The following LRTM1 variants were observed in gnomAD, a reference collection of about 807,000 sequenced individuals.
LRTM1 encodes leucine rich repeat transmembrane protein 1, also known as leucine-rich repeat and transmembrane domain-containing protein 1.
In LRTM1, 38 loss-of-function variants were observed where a neutral mutation model predicts 32.4. The ratio of observed to expected loss-of-function variants is 1.17; its 90% CI spans 0.91 to 1.54. The LOEUF is 1.54. Ranked by LOEUF, LRTM1 falls within the 40% of genes most tolerant of loss-of-function variation. The pLI, the probability that LRTM1 is intolerant of heterozygous loss-of-function variation, is 0.00. For missense variants in LRTM1, 466 were observed against 415.4 expected (o/e 1.12, Z -1.06); for synonymous variants, 186 against 169.9 (o/e 1.09, Z -0.74).
chr3:54,948,097 C>T (rs1305296207), intron 1 of LRTM1, among the ~76,000 whole-genome samples: 1 of 152,206 alleles, frequency 6.6e-6, no homozygotes, highest in Non-Finnish European at 1.5e-5. Flanking sequence ...TATCACCCAT[C>T]AAGTGCTCTC....
chr3:54,922,623 G>A (rs1002017328), intron 2 of LRTM1, among the ~76,000 whole-genome samples: 12 of 152,118 alleles, frequency 7.9e-5, no homozygotes, highest in Admixed American at 3.9e-4. Flanking sequence ...CCTCATTCCC[G>A]CTGAGAACCG....
intron 2 of LRTM1, 115 bp from the exon 3 acceptor site, chr3:54,919,007 TA>T: frequency 1.6e-6 from 1 of 641,106 alleles, no homozygotes; most frequent in Non-Finnish European, 2.3e-6. Flanking sequence ...TTTTTTTTTT[TA>T]AATCCTGGAG....
intron 2 of LRTM1, among the ~76,000 whole-genome samples, chr3:54,921,666 GC>G (rs1700854846): frequency 6.6e-6 from 1 of 151,980 alleles, no homozygotes; most frequent in African/African-American, 2.4e-5. Flanking sequence ...CGTGTAATCC[GC>G]CATGCATTTT....
chr3:54,960,868 T>A (rs2107045952), intron 1 of LRTM1, among the ~76,000 whole-genome samples: 1 of 152,346 alleles, frequency 6.6e-6, no homozygotes. Context: ...AAATTGTTAT[T>A]CATGTGGTAA....
intron 1 of LRTM1, among the ~76,000 whole-genome samples, chr3:54,944,122 C>T (rs1701548621): frequency 6.6e-6 from 1 of 152,062 alleles, no homozygotes; most frequent in Non-Finnish European, 1.5e-5. Flanking sequence ...TTTCCATATC[C>T]TTTGGTAGGA....
intron 1 of LRTM1, among the ~76,000 whole-genome samples, chr3:54,948,276 G>C (rs1701666962): frequency 6.6e-6 from 1 of 152,192 alleles, no homozygotes; most frequent in African/African-American, 2.4e-5. Flanking sequence ...CCTCTTGAGA[G>C]CCCATCCAGA....
At chr3:54,945,649 C>T (rs1047036705) in intron 1 of LRTM1, among the ~76,000 whole-genome samples, 1 of 152,194 alleles carries the variant, frequency 6.6e-6, no homozygotes, top group Non-Finnish European at 1.5e-5. Context: ...GAATCTCAAG[C>T]TTATCCAGTG....
chr3:54,935,791 CTG>C (rs1456027574), intron 1 of LRTM1, among the ~76,000 whole-genome samples: 1 of 152,140 alleles, frequency 6.6e-6, no homozygotes, highest in Non-Finnish European at 1.5e-5. Flanking sequence ...AATAACAAGT[CTG>C]TGTTATGCTT....
chr3:54,930,235 C>T (rs1701150014), upstream of LRTM1, among the ~76,000 whole-genome samples: 1 of 152,186 alleles, frequency 6.6e-6, no homozygotes, highest in Non-Finnish European at 1.5e-5. Context: ...ACCACCCCAC[C>T]TGTCACCCAC....
chr3:54,941,487 C>G (rs1302940478), intron 1 of LRTM1, among the ~76,000 whole-genome samples: 3 of 152,146 alleles, frequency 2.0e-5, no homozygotes, highest in African/African-American at 7.2e-5. Flanking sequence ...CGTTTTCCCC[C>G]TCCATTCATT....
At chr3:54,955,280 C>G (rs1334776290) in intron 1 of LRTM1, among the ~76,000 whole-genome samples, 3 of 152,044 alleles carry the variant, frequency 2.0e-5, no homozygotes, top group African/African-American at 7.2e-5. Context: ...CAAAGGTTGT[C>G]TTATTATGCA....
At chr3:54,919,351 A>G (rs1291902189) in intron 2 of LRTM1, among the ~76,000 whole-genome samples, 1 of 152,240 alleles carries the variant, frequency 6.6e-6, no homozygotes, top group African/African-American at 2.4e-5. Flanking sequence ...TTATGTGTTT[A>G]TTACAAAGAT....
At chr3:54,947,999 G>T (rs1056289447) in intron 1 of LRTM1, among the ~76,000 whole-genome samples, 1 of 152,178 alleles carries the variant, frequency 6.6e-6, no homozygotes, top group African/African-American at 2.4e-5. Flanking sequence ...AACCACAGAT[G>T]GGGGAGATTC....
intron 1 of LRTM1, among the ~76,000 whole-genome samples, chr3:54,959,894 T>C (rs532938988): frequency 6.6e-6 from 1 of 152,284 alleles, no homozygotes; most frequent in African/African-American, 2.4e-5. Flanking sequence ...AGATGAAGTC[T>C]GGAAAAATGC....
At position 54,937,131 on chromosome 3, in the gene LRTM1, T is replaced by G. The variant is rs143376994; in HGVS notation, c.-221-11916A>C. Among the ~76,000 whole-genome samples the G allele has an allele frequency of 1.8e-3, 267 of 152,320 alleles. 1 individual carries two copies. Among genetic ancestry groups the G allele is most frequent in the African/African-American group, 6.1e-3 (254 of 41,572 alleles). ...TCCACTTCTGAAGGTGAAGACACCC[T>G]TACTTAAAAATAAGGTGTGCTCAAG... is the stretch of plus-strand genomic sequence containing the variant. On this transcript the variant is annotated intron_variant, in intron 1 of 2. Transcript: ENST00000493075.
intron 1 of LRTM1, among the ~76,000 whole-genome samples, chr3:54,949,942 C>G (rs372039416): frequency 1.3e-5 from 2 of 152,182 alleles, no homozygotes; most frequent in East Asian, 3.9e-4. Flanking sequence ...TAATGTTTCT[C>G]TAGCTATTAA....
chr3:54,928,073 A>C (rs115631296), upstream of LRTM1: 8,867 of 668,196 alleles, frequency 0.013, 84 homozygotes, highest in Middle Eastern at 0.02. Context: ...TGTTGCTTTC[A>C]AAAGACCATT....
rs747708567 is a variant in LRTM1 at position 54,925,007 on chromosome 3, T to G, written c.216A>C (p.Ser72=). ...AGTTTAAGGTCATGAGCCATGGCACTGACCTAAATGCAAAAGCAGGAAGAT... is the reference window on the plus strand; with the variant it reads ...AGTTTAAGGTCATGAGCCATGGCACGGACCTAAATGCAAAAGCAGGAAGAT... ...IHHLPAFAFR[S]VPWLMTLNLS... The change falls in exon 2 of 3, where the codon TCA becomes TCC. Residue 72 remains serine, a synonymous_variant. Coordinates refer to ENST00000273286, the MANE Select transcript of LRTM1 (RefSeq NM_020678.4). 8.7e-6 allele frequency: 14 copies of G among 1,614,030 alleles called. No homozygotes were observed. The highest frequency in any genetic ancestry group is 1.7e-5 in the Admixed American group (1 of 59,998).
At chr3:54,926,964 T>G (rs1382649246) in intron 1 of LRTM1, among the ~76,000 whole-genome samples, 1 of 150,224 alleles carries the variant, frequency 6.7e-6, no homozygotes, top group Non-Finnish European at 1.5e-5. Flanking sequence ...CACTCCCTTC[T>G]TTTTTTTTGA....
Sources: gnomAD v4.1 joint callset for allele counts (sites outside exome capture counted in the v4.1 genomes callset) on GRCh38, gnomAD v4.1.1 for gene constraint, MANE v1.5 for transcripts, NCBI Gene and HGNC (gene_info 2026-07-23, HGNC 2026-07-21) for gene names.